ADAMTS19: variants seen among roughly 807,000 people sequenced by gnomAD.
ADAMTS19 encodes the protein A disintegrin and metalloproteinase with thrombospondin motifs 19.
ADAMTS19 carries 93 observed loss-of-function variants against 153.3 expected under a neutral mutation model. That is an observed-to-expected ratio of 0.61 (90% confidence interval 0.51 to 0.72). The LOEUF is 0.72. Among genes scored for constraint, ADAMTS19 ranks in the 30% least tolerant of loss-of-function variants. ADAMTS19 has a pLI of 0.00. For missense variants in ADAMTS19, 1,482 were observed against 1,552.1 expected, an observed-to-expected ratio of 0.95 and a Z score of 0.76; for synonymous variants, 600 against 556.6, an observed-to-expected ratio of 1.08 and a Z score of -1.10.
intron 16 of ADAMTS19, among the ~76,000 whole-genome samples, chr5:129,673,885 C>CT (rs995078780): frequency 6.6e-6 from 1 of 152,214 alleles, no homozygotes; most frequent in African/African-American, 2.4e-5. Context: ...AAAAACATGT[C>CT]TTTTTTTAAA....
In ADAMTS19 at chr5:129,596,660, C is replaced by A; in HGVS notation, c.1474C>A (p.His492Asn). ...LAFTIAHEMGHNMGINHDNDH... is the reference protein window; with the variant it reads ...LAFTIAHEMGNNMGINHDNDH... ...TTTTACAATTGCTCATGAAATGGGT[C>A]ACAAGTAAGTAAAAATCATGGCTAT... The change falls in exon 8 of 23, where the codon CAC becomes AAC. Residue 492 changes from histidine (H) to asparagine (N), a missense_variant. By Grantham distance (68) the His-to-Asn change is moderately conservative (BLOSUM62 1). Transcript: ENST00000274487. The A allele has an allele frequency of 6.3e-7, 1 of 1,596,372 alleles. No individual in the cohort carries two copies.
chr5:129,545,438 TATC>T (rs1257518242), intron 6 of ADAMTS19, among the ~76,000 whole-genome samples: 2 of 152,090 alleles, frequency 1.3e-5, no homozygotes, highest in Non-Finnish European at 2.9e-5. Context: ...TGAGAAGAAT[TATC>T]ATATTCCTAA....
At chr5:129,715,425 T>G (rs1453230702) in intron 21 of ADAMTS19, among the ~76,000 whole-genome samples, 4 of 152,216 alleles carry the variant, frequency 2.6e-5, no homozygotes, top group Non-Finnish European at 5.9e-5. Context: ...CTGTATCTTC[T>G]AAGTTAATGA....
intron 2 of ADAMTS19, among the ~76,000 whole-genome samples, chr5:129,481,887 T>C (rs1430293918): frequency 6.6e-6 from 1 of 152,160 alleles, no homozygotes; most frequent in Non-Finnish European, 1.5e-5. Context: ...AGGAAATTCC[T>C]TGAAGCCCAC....
intron 15 of ADAMTS19, among the ~76,000 whole-genome samples, chr5:129,661,903 A>AT (rs1443168017): frequency 6.6e-6 from 1 of 152,052 alleles, no homozygotes; most frequent in South Asian, 2.1e-4. Context: ...AGTGTTAACT[A>AT]TTTTTTTCTA....
At chr5:129,560,917 T>C (rs1753489207) in intron 7 of ADAMTS19, among the ~76,000 whole-genome samples, 1 of 152,172 alleles carries the variant, frequency 6.6e-6, no homozygotes, top group Non-Finnish European at 1.5e-5. Context: ...TGCCTCAAGG[T>C]AGTAATTATT....
rs66501856 is a variant in ADAMTS19, at chr5:129,597,900, CA to C, written c.1478+1249del. Among the ~76,000 whole-genome samples, 770 of 135,414 alleles carry C rather than the reference CA, an allele frequency of 5.7e-3. 5 individuals carry two copies. Among genetic ancestry groups the C allele is most frequent in the African/African-American group, 0.018 (664 of 36,070 alleles). 88.8% of individuals were successfully genotyped at this position (135,414 alleles called of 152,430 possible). On this transcript the variant is annotated intron_variant, in intron 8 of 22. Transcript: ENST00000274487. ...CTGGTGACAGAGTGAGTCTCTATCT[CA>C]AAAAAAAAAAAAGAAAAAAAGAAAA...
intron 3 of ADAMTS19, among the ~76,000 whole-genome samples, chr5:129,516,501 G>T (rs911041035): frequency 9.9e-5 from 15 of 151,394 alleles, no homozygotes; most frequent in East Asian, 1.9e-4. Flanking sequence ...TCAGATTTTT[G>T]ATTTCTTCCT....
intron 2 of ADAMTS19, among the ~76,000 whole-genome samples, chr5:129,486,232 T>C (rs1297551437): frequency 6.6e-6 from 1 of 152,176 alleles, no homozygotes; most frequent in Non-Finnish European, 1.5e-5. Context: ...CACTCCCTAT[T>C]ATTACTTATG....
chr5:129,573,748 T>C (rs186823572), intron 7 of ADAMTS19, among the ~76,000 whole-genome samples: 49 of 152,252 alleles, frequency 3.2e-4, no homozygotes, highest in Non-Finnish European at 2.8e-4. Flanking sequence ...ATTGTCAAAG[T>C]TGATTGTTCT....
rs1754020163 is a variant in ADAMTS19, at chr5:129,665,715, C to T, written c.2506+136C>T. 9.7e-6 allele frequency: 6 copies of T among 621,650 alleles called. No homozygotes were observed. In the East Asian group the frequency reaches 1.7e-4, roughly 18 times the overall value. The allele number at this position is 621,650 out of a possible 1,614,324, so 38.5% of individuals were successfully genotyped here. A position where few individuals can be genotyped will look rare whatever the true frequency, so the allele number is the denominator to read the frequency against. On this transcript the variant is annotated intron_variant, in intron 16 of 22. Coordinates refer to ENST00000274487, the MANE Select transcript of ADAMTS19 (RefSeq NM_133638.6). ...TCCCAGGAACTATCTTTTGTCATAT[C>T]AAGTAGGAAAATTTTTCCTTCTCTC...
intron 6 of ADAMTS19, among the ~76,000 whole-genome samples, chr5:129,551,066 A>C (rs1753074002): frequency 6.6e-6 from 1 of 151,738 alleles, no homozygotes; most frequent in African/African-American, 2.4e-5. Flanking sequence ...TAAATTGAAC[A>C]ATAAACCTAG....
intron 10 of ADAMTS19, among the ~76,000 whole-genome samples, chr5:129,629,158 C>T (rs1464602653): frequency 1.3e-5 from 2 of 152,064 alleles, no homozygotes; most frequent in Non-Finnish European, 2.9e-5. Context: ...CAAATAAGTG[C>T]TCAATAAATA....
At chr5:129,547,691 A>G (rs1752913252) in intron 6 of ADAMTS19, among the ~76,000 whole-genome samples, 1 of 150,670 alleles carries the variant, frequency 6.6e-6, no homozygotes, top group African/African-American at 2.5e-5. Context: ...GTTCATATGG[A>G]ACCAAAAAAG....
chr5:129,561,819 ACTATCTATCTATCTAT>A (rs3071537), intron 7 of ADAMTS19, among the ~76,000 whole-genome samples: 18 of 148,182 alleles, frequency 1.2e-4, no homozygotes, highest in African/African-American at 3.2e-4. Context: ...ATTTCACCCT[ACTATCTATCTATCTAT>A]CTATCTATCT....
chr5:129,687,343 T>G (rs1272526986), intron 18 of ADAMTS19, among the ~76,000 whole-genome samples: 1 of 152,172 alleles, frequency 6.6e-6, no homozygotes, highest in Non-Finnish European at 1.5e-5. Context: ...GGAAAATGTT[T>G]GCCCAGTAAA....
intron 6 of ADAMTS19, among the ~76,000 whole-genome samples, chr5:129,546,277 C>T (rs915110771): frequency 6.7e-5 from 10 of 150,368 alleles, no homozygotes; most frequent in African/African-American, 2.5e-4. Flanking sequence ...GGGAGATATA[C>T]CTAATGCTAG....
intron 19 of ADAMTS19, among the ~76,000 whole-genome samples, chr5:129,698,254 T>G (rs1188617864): frequency 1.3e-5 from 2 of 152,170 alleles, no homozygotes; most frequent in East Asian, 3.8e-4. Flanking sequence ...AGCAAAATAT[T>G]GGAAAGAAAG....
chr5:129,568,776 G>A (rs577159224), intron 7 of ADAMTS19, among the ~76,000 whole-genome samples: 2 of 152,016 alleles, frequency 1.3e-5, no homozygotes, highest in African/African-American at 4.8e-5. Context: ...GAGCTATGAT[G>A]ACACCACTGT....
Sources: gnomAD v4.1 joint callset for allele counts (sites outside exome capture counted in the v4.1 genomes callset) on GRCh38, gnomAD v4.1.1 for gene constraint, MANE v1.5 for transcripts, NCBI Gene and HGNC (gene_info 2026-07-23, HGNC 2026-07-21) for gene names.